SDC2: variants seen among roughly 807,000 people sequenced by gnomAD.
The protein encoded by SDC2 is syndecan 2, also known as syndecan-2.
In SDC2, 13 loss-of-function variants were observed where a neutral mutation model predicts 22.2. The observed-to-expected ratio is 0.59, with a 90% CI of 0.38 to 0.93. The LOEUF is 0.93. Ranked by LOEUF, SDC2 falls within the 40% of genes least tolerant of loss-of-function variation. The pLI, the probability that SDC2 is intolerant of heterozygous loss-of-function variation, is 0.00. For synonymous variants in SDC2, 94 were observed against 92.8 expected (o/e 1.01, Z -0.07); for missense variants, 235 against 246.8 (o/e 0.95, Z 0.32).
At chr8:96,597,612 A>G (rs1264936233) in intron 2 of SDC2, among the ~76,000 whole-genome samples, 1 of 152,244 alleles carries the variant, frequency 6.6e-6, no homozygotes, top group Non-Finnish European at 1.5e-5. Context: ...AAACATAGTA[A>G]ATTCAGAGAG....
intron 1 of SDC2, among the ~76,000 whole-genome samples, chr8:96,554,214 T>G (rs1317000041): frequency 6.6e-6 from 1 of 152,216 alleles, no homozygotes; most frequent in Non-Finnish European, 1.5e-5. Flanking sequence ...TTATAAGAAA[T>G]TTTACATGGT....
chr8:96,598,736 G>A (rs1194195388), intron 2 of SDC2, among the ~76,000 whole-genome samples: 1 of 152,110 alleles, frequency 6.6e-6, no homozygotes, highest in African/African-American at 2.4e-5. Flanking sequence ...TATTGATGCT[G>A]TACTTGATAG....
intron 1 of SDC2, among the ~76,000 whole-genome samples, chr8:96,508,393 T>C (rs1007413417): frequency 2.6e-5 from 4 of 151,236 alleles, no homozygotes; most frequent in African/African-American, 9.7e-5. Context: ...CTCAGGAGGC[T>C]GAGGCGGCAG....
chr8:96,494,748 A>G (rs1478999601), intron 1 of SDC2, among the ~76,000 whole-genome samples: 1 of 152,156 alleles, frequency 6.6e-6, no homozygotes, highest in Non-Finnish European at 1.5e-5. Flanking sequence ...ATGACCTGGA[A>G]ACTTCGGGGT....
At chr8:96,532,460 AAG>A (rs1813680268) in intron 1 of SDC2, among the ~76,000 whole-genome samples, 1 of 145,226 alleles carries the variant, frequency 6.9e-6, no homozygotes, top group African/African-American at 2.8e-5. Flanking sequence ...TGGGAAAAAA[AAG>A]AAAGAAAATC....
intron 1 of SDC2, among the ~76,000 whole-genome samples, chr8:96,515,052 TC>T (rs1813382487): frequency 6.6e-6 from 1 of 152,228 alleles, no homozygotes; most frequent in African/African-American, 2.4e-5. Flanking sequence ...AGACTTGGGT[TC>T]TTATAGGCTG....
intron 1 of SDC2, among the ~76,000 whole-genome samples, chr8:96,570,497 G>T (rs1378805920): frequency 2.0e-5 from 3 of 152,174 alleles, no homozygotes; most frequent in Non-Finnish European, 2.9e-5. Flanking sequence ...CTGCTAAGGG[G>T]AGATAGAGAA....
chr8:96,498,133 C>T (rs1813102575), intron 1 of SDC2, among the ~76,000 whole-genome samples: 2 of 152,178 alleles, frequency 1.3e-5, no homozygotes, highest in African/African-American at 2.4e-5. Context: ...TTGGTTTCCA[C>T]GTCCAGTCTG....
intron 1 of SDC2, among the ~76,000 whole-genome samples, chr8:96,515,336 T>C (rs999266993): frequency 6.6e-6 from 1 of 152,214 alleles, no homozygotes; most frequent in Admixed American, 6.5e-5. Flanking sequence ...ACAGTTGTCA[T>C]TTAGAATGCG....
chr8:96,599,233 G>A (rs1169242275), intron 2 of SDC2, among the ~76,000 whole-genome samples: 1 of 152,108 alleles, frequency 6.6e-6, no homozygotes, highest in Non-Finnish European at 1.5e-5. Context: ...GAGCTACTGT[G>A]CTTGGCCCTG....
At chr8:96,581,165 A>G (rs1307304477) in intron 1 of SDC2, among the ~76,000 whole-genome samples, 2 of 152,234 alleles carry the variant, frequency 1.3e-5, no homozygotes, top group African/African-American at 2.4e-5. Flanking sequence ...GTAAATTACT[A>G]TAAATCAGCC....
At chr8:96,574,460 A>G (rs561368999) in intron 1 of SDC2, among the ~76,000 whole-genome samples, 4 of 152,356 alleles carry the variant, frequency 2.6e-5, no homozygotes, top group African/African-American at 9.6e-5. Flanking sequence ...TCATTTGGCT[A>G]TTTAGAATTT....
chr8:96,574,176 A>G (rs977665874), intron 1 of SDC2, among the ~76,000 whole-genome samples: 8 of 151,950 alleles, frequency 5.3e-5, no homozygotes, highest in Non-Finnish European at 2.9e-5. Flanking sequence ...AGTAGCCAGC[A>G]TCTTTAGCCT....
chr8:96,494,868 A>G (rs941739670), intron 1 of SDC2, among the ~76,000 whole-genome samples: 9 of 152,082 alleles, frequency 5.9e-5, no homozygotes, highest in African/African-American at 1.7e-4. Context: ...CCAGAGAGAA[A>G]AGTTTGCAAA....
chr8:96,546,156 C>T (rs1813928718), intron 1 of SDC2, among the ~76,000 whole-genome samples: 1 of 152,204 alleles, frequency 6.6e-6, no homozygotes, highest in Non-Finnish European at 1.5e-5. Flanking sequence ...CTCTAAAGAC[C>T]TGATGGTGGT....
At chr8:96,546,998 A>G (rs1813944967) in intron 1 of SDC2, among the ~76,000 whole-genome samples, 1 of 152,218 alleles carries the variant, frequency 6.6e-6, no homozygotes, top group Non-Finnish European at 1.5e-5. Flanking sequence ...CAATGAGCAA[A>G]GCTTTTCTGA....
intron 1 of SDC2, among the ~76,000 whole-genome samples, chr8:96,568,363 G>A (rs1814335029): frequency 6.6e-6 from 1 of 152,210 alleles, no homozygotes; most frequent in Non-Finnish European, 1.5e-5. Context: ...CTTTTCATAG[G>A]TACTTTTAAC....
intron 1 of SDC2, among the ~76,000 whole-genome samples, chr8:96,575,333 G>A (rs1188144871): frequency 8.3e-6 from 1 of 119,826 alleles, no homozygotes; most frequent in African/African-American, 3.1e-5. Context: ...TAGGTGTCTT[G>A]TAAATACCTG....
intron 1 of SDC2, among the ~76,000 whole-genome samples, chr8:96,502,873 A>G (rs1813187124): frequency 6.6e-6 from 1 of 152,158 alleles, no homozygotes; most frequent in Admixed American, 6.5e-5. Context: ...GCTAGTTATA[A>G]TTCCTGGCTT....
Sources: allele counts gnomAD v4.1 joint callset (sites outside exome capture counted in the v4.1 genomes callset), GRCh38; gene constraint gnomAD v4.1.1; transcripts MANE v1.5; gene names NCBI Gene and HGNC (gene_info 2026-07-23, HGNC 2026-07-21).